PAWR: variants seen among roughly 807,000 people sequenced by gnomAD.
The protein encoded by PAWR is PRKC apoptosis WT1 regulator protein.
Under a neutral mutation model 32.0 loss-of-function variants are expected in PAWR, and 23 were observed. That is an observed-to-expected ratio of 0.72 (90% CI 0.52 to 1.02). The LOEUF is 1.02. Ranked by LOEUF, PAWR falls within the 50% of genes least tolerant of loss-of-function variation. The pLI, the probability that PAWR is intolerant of heterozygous loss-of-function variation, is 0.00. For missense variants in PAWR, 457 were observed against 437.7 expected (o/e 1.04, Z -0.39); for synonymous variants, 226 against 187.1 (o/e 1.21, Z -1.70).
At chr12:79,689,456 A>AG (rs1878855345) in intron 2 of PAWR, among the ~76,000 whole-genome samples, 1 of 152,174 alleles carries the variant, frequency 6.6e-6, no homozygotes, top group Non-Finnish European at 1.5e-5. Context: ...TGGAGCCATA[A>AG]GTTGTCTTTC....
chr12:79,672,975 C>T (rs760914984), intron 2 of PAWR, among the ~76,000 whole-genome samples: 8 of 152,024 alleles, frequency 5.3e-5, no homozygotes, highest in South Asian at 2.1e-4. Context: ...ACTACCACAA[C>T]GAAAATAATG....
intron 2 of PAWR, among the ~76,000 whole-genome samples, chr12:79,641,766 G>A (rs759870129): frequency 6.8e-6 from 1 of 147,758 alleles, no homozygotes; most frequent in South Asian, 2.2e-4. Flanking sequence ...AGAATCACGT[G>A]GACCAGGGAG....
chr12:79,651,684 T>C (rs1448245059), intron 2 of PAWR, among the ~76,000 whole-genome samples: 1 of 111,882 alleles, frequency 8.9e-6, no homozygotes, highest in African/African-American at 2.9e-5. Flanking sequence ...AAAGCCATCC[T>C]GGGCTCACAA....
At chr12:79,638,261 T>C (rs368714283) in intron 2 of PAWR, among the ~76,000 whole-genome samples, 6 of 152,266 alleles carry the variant, frequency 3.9e-5, no homozygotes, top group East Asian at 1.9e-4. Flanking sequence ...TCCTAATTAA[T>C]AGGATAAACT....
rs77597359 is a variant in PAWR, at chr12:79,688,321, A to G, written c.516+1408T>C. ...CTGCCAAGATATTTCCCAAAATAAG[A>G]CCGCTGTCAGATGAACAATGAGGAA... On this transcript the variant is annotated intron_variant, in intron 2 of 6. Coordinates refer to ENST00000328827, the MANE Select transcript of PAWR (RefSeq NM_002583.4). 7.1e-3 allele frequency: 1,076 copies of G among 152,228 alleles called. 10 individuals carry two copies. The highest frequency in any genetic ancestry group is 0.025 in the African/African-American group (1,026 of 41,546). 9.4% of individuals were successfully genotyped at this position (152,228 alleles called of 1,614,324 possible). A position where few individuals can be genotyped will look rare whatever the true frequency, so the allele number is the denominator to read the frequency against.
In PAWR at chr12:79,690,056, G is replaced by A. The variant is rs1565710312; in HGVS notation, c.189C>T (p.Ala63=). The part of the protein sequence containing the change: ...PPAGALGTPA[A]AAANELNNNL... ...TGTTGTTGAGCTCGTTGGCAGCGGC[G>A]GCCGCCGGGGTGCCCAGAGCCCCCG... The change falls in exon 2 of 7, where the codon GCC becomes GCT. Residue 63 remains alanine (A), a synonymous_variant. Coordinates refer to ENST00000328827, the MANE Select transcript of PAWR (RefSeq NM_002583.4). The A allele has an allele frequency of 1.5e-6, 2 of 1,361,438 alleles. No homozygotes were observed. Among genetic ancestry groups the A allele is most frequent in the East Asian group, 3.1e-5 (1 of 32,464 alleles). 84.3% of individuals were successfully genotyped at this position (1,361,438 alleles called of 1,614,324 possible).
intron 2 of PAWR, among the ~76,000 whole-genome samples, chr12:79,675,326 C>G (rs1426491542): frequency 6.6e-6 from 1 of 152,086 alleles, no homozygotes; most frequent in East Asian, 1.9e-4. Context: ...TTGCAGTAAG[C>G]TAGGATCACG....
intron 3 of PAWR, among the ~76,000 whole-genome samples, chr12:79,620,643 C>T (rs1874959690): frequency 1.3e-5 from 2 of 152,152 alleles, no homozygotes; most frequent in African/African-American, 2.4e-5. Flanking sequence ...TGATAGAGCT[C>T]TAGCAGGGTA....
At chr12:79,593,701 G>GT (rs537217082) in intron 6 of PAWR, among the ~76,000 whole-genome samples, 2,114 of 126,770 alleles carry the variant, frequency 0.017, 50 homozygotes, top group African/African-American at 0.045. Flanking sequence ...CAATTTTAGG[G>GT]TTTTTTTTTT....
At chr12:79,607,325 A>G (rs1874225063) in intron 4 of PAWR, among the ~76,000 whole-genome samples, 1 of 152,124 alleles carries the variant, frequency 6.6e-6, no homozygotes, top group East Asian at 1.9e-4. Context: ...CTTGAAAGGA[A>G]CAGATTTCTT....
Position 79,585,551 on chromosome 12 carries a change from C to G in PAWR, c.*7056G>C, listed in dbSNP as rs1260254976. ...CAATGTCACCTTACCAATCTGTACA[C>G]TCCACAAGTTTTTAAAAATTAAACA... On this transcript the variant is annotated 3_prime_UTR_variant, in exon 7 of 7. Coordinates refer to ENST00000328827, the MANE Select transcript of PAWR (RefSeq NM_002583.4). 1 of 155,326 alleles carries G rather than the reference C, an allele frequency of 6.4e-6. No individual in the cohort carries two copies. The highest frequency in any genetic ancestry group is 1.4e-5 in the Non-Finnish European group (1 of 70,374). 9.6% of individuals were successfully genotyped at this position (155,326 alleles called of 1,614,324 possible).
chr12:79,648,528 G>A (rs1168775839), intron 2 of PAWR, among the ~76,000 whole-genome samples: 8 of 151,136 alleles, frequency 5.3e-5, no homozygotes, highest in South Asian at 4.2e-4. Flanking sequence ...GGGACTGAGC[G>A]CAGTAATGCT....
At chr12:79,635,867 C>T (rs1005500220) in intron 2 of PAWR, among the ~76,000 whole-genome samples, 4 of 152,110 alleles carry the variant, frequency 2.6e-5, no homozygotes, top group Non-Finnish European at 5.9e-5. Flanking sequence ...TATTACAAAA[C>T]ATGGTGTATG....
At chr12:79,610,903 C>T (rs73343660) in intron 4 of PAWR, among the ~76,000 whole-genome samples, 1,668 of 150,864 alleles carry the variant, frequency 0.011, 40 homozygotes, top group African/African-American at 0.038. Context: ...CAGTTAAACA[C>T]ATTTTTATAA....
intron 2 of PAWR, 116 bp from the exon 3 acceptor site, chr12:79,621,323 C>T: frequency 1.3e-6 from 1 of 766,414 alleles, no homozygotes; most frequent in Non-Finnish European, 2.0e-6. Flanking sequence ...AATTAGTTTG[C>T]ATAATAAAAG....
At chr12:79,689,453 A>G (rs372208817) in intron 2 of PAWR, among the ~76,000 whole-genome samples, 11 of 152,312 alleles carry the variant, frequency 7.2e-5, no homozygotes, top group African/African-American at 1.9e-4. Flanking sequence ...TCCTGGAGCC[A>G]TAAGTTGTCT....
chr12:79,665,076 A>G (rs1206998210), intron 2 of PAWR, among the ~76,000 whole-genome samples: 1 of 152,210 alleles, frequency 6.6e-6, no homozygotes, highest in East Asian at 1.9e-4. Flanking sequence ...AAAACAGATT[A>G]TAACAATGAA....
At chr12:79,595,129 T>G (rs1873701931) in intron 5 of PAWR, among the ~76,000 whole-genome samples, 2 of 152,178 alleles carry the variant, frequency 1.3e-5, no homozygotes, top group African/African-American at 4.8e-5. Context: ...AATACAAAGT[T>G]TAAAGGAGAT....
intron 2 of PAWR, among the ~76,000 whole-genome samples, chr12:79,659,757 T>A (rs1425134559): frequency 1.3e-5 from 2 of 152,204 alleles, no homozygotes; most frequent in Non-Finnish European, 2.9e-5. Context: ...ACCAAGTTTT[T>A]AAAAATTATT....
Sources: gnomAD v4.1 joint callset for allele counts (sites outside exome capture counted in the v4.1 genomes callset) on GRCh38, gnomAD v4.1.1 for gene constraint, MANE v1.5 for transcripts, NCBI Gene and HGNC (gene_info 2026-07-23, HGNC 2026-07-21) for gene names.